The following NUP88 variants were observed in gnomAD, a reference collection of about 807,000 sequenced individuals.
The protein encoded by NUP88 is nucleoporin 88.
In NUP88, 57 loss-of-function variants were observed where a neutral mutation model predicts 93.9. The observed-to-expected ratio is 0.61, with a 90% CI of 0.49 to 0.76. The LOEUF (loss-of-function observed/expected upper bound fraction) is 0.76, where lower values mean the gene tolerates loss of function less well. NUP88 is among the 30% of genes least tolerant of loss of function. The probability of loss-of-function intolerance (pLI) is 0.00; values close to 1 mark genes in which losing one functional copy is unlikely to be tolerated. For missense variants in NUP88, 911 were observed against 901.0 expected (o/e 1.01, Z -0.14); for synonymous variants, 346 against 336.8 (o/e 1.03, Z -0.30).
At chr17:5,395,258 T>C (rs2151637351) in intron 8 of NUP88, among the ~76,000 whole-genome samples, 1 of 152,242 alleles carries the variant, frequency 6.6e-6, no homozygotes, top group East Asian at 1.9e-4. Context: ...ACACTGATTT[T>C]ATTTTCATAA....
Position 5,408,601 on chromosome 17 carries a change from A to C in NUP88, c.857+132T>G, listed in dbSNP as rs1597327454. ...CCTGTACTAACTCTTTCTCAAAAATATGCAAGCCAAGCATGTGAAGGCTGC... is the reference window on the plus strand; with the variant it reads ...CCTGTACTAACTCTTTCTCAAAAATCTGCAAGCCAAGCATGTGAAGGCTGC... On this transcript the variant is annotated intron_variant, in intron 5 of 16. Transcript: ENST00000573584. 4 of 633,294 alleles carry C rather than the reference A, an allele frequency of 6.3e-6. No homozygotes were observed. The East Asian group carries it at 1.2e-4, about 19-fold the overall frequency. 39.2% of individuals were successfully genotyped at this position (633,294 alleles called of 1,614,324 possible).
intron 1 of NUP88, 118 bp downstream of exon 1, chr17:5,419,236 C>CG (rs766895162): frequency 4.2e-4 from 500 of 1,184,956 alleles, no homozygotes; most frequent in Non-Finnish European, 5.3e-4. Context: ...ATGGCAGCGT[C>CG]GGAGTCAATC....
chr17:5,388,896 A>G lies in NUP88; in HGVS notation c.1549T>C (p.Ser517Pro), dbSNP rs1247744705. ...GTTTCAGCCAGAACACGGAGGGGAG[A>G]CTCTGCCACTTCAACATCTTCTCGA... ...CTREDVEVAE[S>P]PLRVLAETPD... is the part of the protein sequence containing the mutation. The change falls in exon 11 of 17, where the codon TCT becomes CCT. Residue 517 changes from serine to proline, a missense_variant. Ser to Pro is a moderately conservative substitution (Grantham distance 74, BLOSUM62 -1). Coordinates refer to ENST00000573584, the MANE Select transcript of NUP88 (RefSeq NM_002532.6). The G allele has an allele frequency of 2.5e-6, 4 of 1,613,752 alleles. No homozygotes were observed. In the Admixed American group the frequency reaches 6.7e-5, roughly 27 times the overall value.
chr17:5,385,028 C>T lies in NUP88; in HGVS notation c.*1178G>A, dbSNP rs955568732. The T allele has an allele frequency of 4.4e-6, 1 of 228,900 alleles. No individual in the cohort carries two copies. The highest frequency in any genetic ancestry group is 8.7e-6 in the Non-Finnish European group (1 of 115,462). 14.2% of individuals were successfully genotyped at this position (228,900 alleles called of 1,614,324 possible). A position where few individuals can be genotyped will look rare whatever the true frequency, so the allele number is the denominator to read the frequency against. On this transcript the variant is annotated 3_prime_UTR_variant, in exon 17 of 17. Coordinates refer to ENST00000573584, the MANE Select transcript of NUP88 (RefSeq NM_002532.6). ...CTTGCAGTGAAGTGTTCTGCTGAGACTGAGCACCTTACAGATATTTTTCTC... is the reference window on the plus strand; with the variant it reads ...CTTGCAGTGAAGTGTTCTGCTGAGATTGAGCACCTTACAGATATTTTTCTC...
At chr17:5,392,816 G>A (rs982656926) in intron 9 of NUP88, among the ~76,000 whole-genome samples, 18 of 152,140 alleles carry the variant, frequency 1.2e-4, no homozygotes, top group African/African-American at 4.3e-4. Context: ...TTGAGATAGG[G>A]TCTCACTCTG....
chr17:5,386,846 G>A lies in NUP88; in HGVS notation c.2044-20C>T, dbSNP rs1912024186. The stretch of plus-strand genomic sequence containing the variant: ...AGTAACCTTAAGTATTAAAATAATA[G>A]ATATTTTGGCAGTGGTTTGCCACAC... On this transcript the variant is annotated intron_variant, in intron 15 of 16. Transcript: ENST00000573584. The A allele has an allele frequency of 6.3e-7, 1 of 1,587,218 alleles. No individual in the cohort carries two copies. Among genetic ancestry groups the A allele is most frequent in the South Asian group, 1.1e-5 (1 of 90,234 alleles).
intron 3 of NUP88, 39 bp from the exon 4 acceptor site, chr17:5,410,828 C>T (rs764477961): frequency 4.4e-6 from 6 of 1,376,606 alleles, no homozygotes; most frequent in Admixed American, 3.8e-5. Flanking sequence ...ACTTAAAATT[C>T]TGTTTTCATT....
intron 3 of NUP88, among the ~76,000 whole-genome samples, chr17:5,412,437 G>A (rs1158678969): frequency 6.6e-6 from 1 of 152,016 alleles, no homozygotes. Flanking sequence ...TTATAAGATC[G>A]AAAAAACATA....
At chr17:5,413,449 T>C (rs56188406) in intron 3 of NUP88, among the ~76,000 whole-genome samples, 76,068 of 151,878 alleles carry the variant, frequency 0.5, 20,270 homozygotes, top group East Asian at 0.97. Flanking sequence ...GTACCTCTGC[T>C]GAGTCCCCCC....
rs1235147992 is a variant in NUP88 at position 5,419,616 on chromosome 17, T to A, written c.35A>T (p.Glu12Val). The A allele has an allele frequency of 6.3e-7, 1 of 1,596,962 alleles. No homozygotes were observed. Among genetic ancestry groups the A allele is most frequent in the East Asian group, 2.2e-5 (1 of 44,508 alleles). Reference sequence around the variant, plus strand: ...GTTAGGAAGCCAGGTCTGCCACAGCTCGCCGTCGCCCACCGGTCCCTCGGC... The same window carrying A: ...GTTAGGAAGCCAGGTCTGCCACAGCACGCCGTCGCCCACCGGTCCCTCGGC... Reference protein sequence around the residue: ...AAAEGPVGDGELWQTWLPNHV... With the variant: ...AAAEGPVGDGVLWQTWLPNHV... Residue 12 changes from glutamate to valine, a missense_variant, in exon 1 of 17, where the codon GAG (glutamate) becomes GTG (valine). Coordinates refer to ENST00000573584, the MANE Select transcript of NUP88 (RefSeq NM_002532.6).
intron 4 of NUP88, 46 bp from the exon 5 acceptor site, chr17:5,408,955 A>G (rs757926363): frequency 6.9e-7 from 1 of 1,452,608 alleles, no homozygotes; most frequent in South Asian, 1.4e-5. Context: ...AAAAACAACA[A>G]AAAGTAAAAA....
chr17:5,401,757 T>C (rs114020096), intron 7 of NUP88, among the ~76,000 whole-genome samples: 298 of 152,356 alleles, frequency 2.0e-3, no homozygotes, highest in African/African-American at 6.7e-3. Context: ...CTAACATTGT[T>C]AAAATGGCTT....
intron 5 of NUP88, among the ~76,000 whole-genome samples, chr17:5,407,787 C>T (rs1913583726): frequency 6.6e-6 from 1 of 152,178 alleles, no homozygotes; most frequent in South Asian, 2.1e-4. Context: ...CAAACAGTAA[C>T]TAAGTCTTAT....
chr17:5,404,216 G>C lies in NUP88; in HGVS notation c.1075C>G (p.Leu359Val), dbSNP rs1185687771. The change falls in exon 7 of 17, where the codon CTC becomes GTC. Residue 359 changes from leucine (L) to valine (V), a missense_variant. Leu to Val is a conservative substitution (Grantham distance 32). Transcript: ENST00000573584. Reference protein sequence around the residue: ...SEKSWDSRIDLIPSLYVFECV... With the variant: ...SEKSWDSRIDVIPSLYVFECV... ...TCAAACACATACAGAGAAGGAATGA[G>C]GTCAATCCTGGAATCCCAGGACTTT... 5.6e-6 allele frequency: 9 copies of C among 1,613,788 alleles called. No individual in the cohort carries two copies. In the South Asian group the frequency reaches 9.9e-5, roughly 18 times the overall value.
chr17:5,405,255 G>A lies in NUP88; in HGVS notation c.858-12C>T. 6.2e-7 allele frequency: 1 copy of A among 1,606,270 alleles called. No homozygotes were observed. The highest frequency in any genetic ancestry group is 1.7e-4 in the Middle Eastern group (1 of 6,024). On this transcript the variant is annotated splice_polypyrimidine_tract_variant and intron_variant, in intron 5 of 16. Coordinates refer to ENST00000573584, the MANE Select transcript of NUP88 (RefSeq NM_002532.6). ...CAATATTTCCAGGGCTAAAGAAGGA[G>A]TAAAAACATATTTGGGAAATGTTGA...
chr17:5,397,722 CTT>C (rs140226945), intron 8 of NUP88, among the ~76,000 whole-genome samples: 9,363 of 152,170 alleles, frequency 0.062, 430 homozygotes, highest in East Asian at 0.19. Flanking sequence ...CGGATTCAGT[CTT>C]TTTACCATTA....
chr17:5,387,275 C>CAGGG (rs1912064947), intron 14 of NUP88, 111 bp downstream of exon 14: 1 of 1,250,520 alleles, frequency 8.0e-7, no homozygotes, highest in African/African-American at 1.5e-5. Context: ...AGAGGAGAGG[C>CAGGG]AGGGGGATCA....
chr17:5,414,775 C>G (rs1424266079), intron 2 of NUP88, among the ~76,000 whole-genome samples: 1 of 140,018 alleles, frequency 7.1e-6, no homozygotes, highest in South Asian at 2.6e-4. Context: ...AAGAATTAGG[C>G]AAGTGTGGTG....
Position 5,408,730 on chromosome 17 carries a change from T to G in NUP88, c.857+3A>C. 1 of 1,586,956 alleles carries G rather than the reference T, an allele frequency of 6.3e-7. No homozygotes were observed. The highest frequency in any genetic ancestry group is 8.6e-7 in the Non-Finnish European group (1 of 1,168,540). On this transcript the variant is annotated splice_donor_region_variant and intron_variant, in intron 5 of 16. Coordinates refer to ENST00000573584, the MANE Select transcript of NUP88 (RefSeq NM_002532.6). ...TTTCAGGTGGGTGACCACCTCAACT[T>G]ACCTGTGTAACAGACTGATGTATGT...
Sources: gnomAD v4.1 joint callset for allele counts (sites outside exome capture counted in the v4.1 genomes callset) on GRCh38, gnomAD v4.1.1 for gene constraint, MANE v1.5 for transcripts, NCBI Gene and HGNC (gene_info 2026-07-23, HGNC 2026-07-21) for gene names.